The following CNTN6 variants were observed in gnomAD, a reference collection of about 807,000 sequenced individuals.
CNTN6 encodes contactin-6.
Under a neutral mutation model 122.8 loss-of-function variants are expected in CNTN6, and 137 were observed. That is an observed-to-expected ratio of 1.12 (90% CI 0.97 to 1.29). The LOEUF (loss-of-function observed/expected upper bound fraction) is 1.29, where lower values mean the gene tolerates loss of function less well. CNTN6 is among the 50% of genes most tolerant of loss of function. The pLI, the probability that CNTN6 is intolerant of heterozygous loss-of-function variation, is 0.00. For synonymous variants in CNTN6, 570 were observed against 426.0 expected (o/e 1.34, Z -4.16); for missense variants, 1,634 against 1,223.4 (o/e 1.34, Z -5.01).
Position 1,321,704 on chromosome 3 carries a change from A to C in CNTN6, c.816A>C (p.Lys272Asn), listed in dbSNP as rs1700874784. 2 of 1,611,728 alleles carry C rather than the reference A, an allele frequency of 1.2e-6. No individual in the cohort carries two copies. The highest frequency in any genetic ancestry group is 2.7e-5 in the African/African-American group (2 of 74,770). Residue 272 changes from lysine (K) to asparagine (N), a missense_variant, in exon 8 of 23, where the codon AAA becomes AAC. Transcript: ENST00000446702. ...RRLDGSPLPG[K>N]VKYSKSQAIL... The stretch of plus-strand genomic sequence containing the variant: ...TGGACGGGAGCCCGTTGCCAGGGAA[A>C]GTCAAGTACAGCAAATCCCAAGCTA...
At chr3:1,257,844 A>G (rs1037269058) in intron 4 of CNTN6, among the ~76,000 whole-genome samples, 1 of 152,196 alleles carries the variant, frequency 6.6e-6, no homozygotes, top group Non-Finnish European at 1.5e-5. Flanking sequence ...AAATGGCAGC[A>G]CTGCCTAGAT....
chr3:1,218,797 G>A (rs935582619), intron 2 of CNTN6, among the ~76,000 whole-genome samples: 5 of 152,120 alleles, frequency 3.3e-5, no homozygotes, highest in African/African-American at 9.7e-5. Context: ...AAATGAGTAC[G>A]GTGAGCATCC....
chr3:1,250,971 A>T (rs2094657228), intron 4 of CNTN6, among the ~76,000 whole-genome samples: 1 of 152,064 alleles, frequency 6.6e-6, no homozygotes, highest in South Asian at 2.1e-4. Flanking sequence ...AAATCATGCC[A>T]TTAGCCCGCA....
rs139626752 is a variant in CNTN6, at chr3:1,117,749, A to G, written c.-83+24629A>G. On this transcript the variant is annotated intron_variant, in intron 1 of 22. Coordinates refer to ENST00000446702, the MANE Select transcript of CNTN6 (RefSeq NM_001289080.2). Reference sequence around the variant, plus strand: ...CCAGAAATGCTGACTGGAAGTAGCAACAAGTGATTTAATGTTCCCAGAGGT... The same window carrying G: ...CCAGAAATGCTGACTGGAAGTAGCAGCAAGTGATTTAATGTTCCCAGAGGT... Among the ~76,000 whole-genome samples, 469 of 152,306 alleles carry G rather than the reference A, an allele frequency of 3.1e-3. 2 individuals carry two copies. Among genetic ancestry groups the G allele is most frequent in the African/African-American group, 0.011 (450 of 41,578 alleles).
At chr3:1,258,134 G>T (rs2094789436) in intron 4 of CNTN6, among the ~76,000 whole-genome samples, 1 of 152,106 alleles carries the variant, frequency 6.6e-6, no homozygotes, top group South Asian at 2.1e-4. Flanking sequence ...AGCCAATTCT[G>T]GTCCCAGAGC....
chr3:1,230,025 G>T (rs920828610), intron 4 of CNTN6, among the ~76,000 whole-genome samples: 1 of 152,026 alleles, frequency 6.6e-6, no homozygotes, highest in African/African-American at 2.4e-5. Context: ...GCGAGAGTGT[G>T]GAAACAGAGA....
chr3:1,139,848 C>T (rs960643146), intron 1 of CNTN6, among the ~76,000 whole-genome samples: 19 of 152,146 alleles, frequency 1.2e-4, no homozygotes, highest in African/African-American at 4.3e-4. Flanking sequence ...CACTCAGCAG[C>T]GTATGACTGG....
At chr3:1,321,375 G>A (rs1700819158) in intron 7 of CNTN6, among the ~76,000 whole-genome samples, 1 of 151,040 alleles carries the variant, frequency 6.6e-6, no homozygotes, top group South Asian at 2.1e-4. Context: ...CCACTAGTCT[G>A]TAAGCAACAT....
intron 1 of CNTN6, among the ~76,000 whole-genome samples, chr3:1,095,414 T>C (rs2090474952): frequency 6.6e-6 from 1 of 152,142 alleles, no homozygotes; most frequent in African/African-American, 2.4e-5. Context: ...GAGCTTGCAG[T>C]GAGCAGAGAT....
intron 2 of CNTN6, among the ~76,000 whole-genome samples, chr3:1,178,529 C>T (rs2093494803): frequency 6.6e-6 from 1 of 152,112 alleles, no homozygotes; most frequent in Non-Finnish European, 1.5e-5. Context: ...TTCAAATTCT[C>T]TATGTGATAG....
intron 2 of CNTN6, among the ~76,000 whole-genome samples, chr3:1,212,775 T>C (rs1293413647): frequency 1.3e-5 from 2 of 152,112 alleles, no homozygotes; most frequent in African/African-American, 2.4e-5. Flanking sequence ...TCTGATTGTA[T>C]AGACAAAACA....
At chr3:1,113,641 CTA>C (rs1378885801) in intron 1 of CNTN6, among the ~76,000 whole-genome samples, 1 of 152,108 alleles carries the variant, frequency 6.6e-6, no homozygotes, top group Non-Finnish European at 1.5e-5. Context: ...GGCAATGAGA[CTA>C]TTGAATATAT....
Position 1,295,714 on chromosome 3 carries a change from G to A in CNTN6, c.568G>A (p.Asp190Asn), listed in dbSNP as rs1404757353. ...NLYIAKVEPSDVGNYTCFITN... is the reference protein window; with the variant it reads ...NLYIAKVEPSNVGNYTCFITN... ...GTACATTGCCAAAGTGGAACCATCA[G>A]ATGTGGGCAACTACACTTGCTTTAT... Residue 190 changes from aspartate to asparagine, a missense_variant, in exon 6 of 23, where the codon GAT becomes AAT. Transcript: ENST00000446702. The A allele has an allele frequency of 1.2e-6, 2 of 1,613,974 alleles. No homozygotes were observed. Among genetic ancestry groups the A allele is most frequent in the Non-Finnish European group, 8.5e-7 (1 of 1,179,962 alleles).
intron 10 of CNTN6, among the ~76,000 whole-genome samples, chr3:1,329,286 T>C (rs1378020320): frequency 1.3e-5 from 2 of 151,618 alleles, no homozygotes; most frequent in African/African-American, 2.4e-5. Context: ...CATATGTATG[T>C]ATATGACATG....
chr3:1,189,714 G>A (rs990269329), intron 2 of CNTN6, among the ~76,000 whole-genome samples: 3 of 152,010 alleles, frequency 2.0e-5, no homozygotes, highest in Non-Finnish European at 4.4e-5. Context: ...AGAAGCCTTT[G>A]AGGCCACATC....
chr3:1,341,671 C>G lies in CNTN6; in HGVS notation c.1365-10653C>G, dbSNP rs145907443. Among the ~76,000 whole-genome samples, 651 of 152,234 alleles carry G rather than the reference C, an allele frequency of 4.3e-3. 1 individual carries two copies. The highest frequency in any genetic ancestry group is 0.01 in the Middle Eastern group (3 of 294). ...GTGTTGCGTCAGCCACTACAAAGATCACACTTAAATTTTTTGTGTATATTA... is the reference window on the plus strand; with the variant it reads ...GTGTTGCGTCAGCCACTACAAAGATGACACTTAAATTTTTTGTGTATATTA... On this transcript the variant is annotated intron_variant, in intron 11 of 22. Transcript: ENST00000446702.
chr3:1,200,277 G>A (rs1338021448), intron 2 of CNTN6, among the ~76,000 whole-genome samples: 1 of 152,148 alleles, frequency 6.6e-6, no homozygotes, highest in Non-Finnish European at 1.5e-5. Context: ...CAAGATATCT[G>A]CCCTCCTCAG....
chr3:1,384,521 AAG>A (rs1316395785), intron 19 of CNTN6, among the ~76,000 whole-genome samples: 1 of 146,338 alleles, frequency 6.8e-6, no homozygotes, highest in Admixed American at 6.7e-5. Context: ...TCACAAAGTA[AAG>A]AGACAAGAAC....
At chr3:1,239,045 A>T (rs1299792024) in intron 4 of CNTN6, among the ~76,000 whole-genome samples, 2 of 152,206 alleles carry the variant, frequency 1.3e-5, no homozygotes, top group African/African-American at 4.8e-5. Context: ...CCTAGAGGAG[A>T]TGGATAAATT....
Sources: gnomAD v4.1 joint callset for allele counts (sites outside exome capture counted in the v4.1 genomes callset) on GRCh38, gnomAD v4.1.1 for gene constraint, MANE v1.5 for transcripts, NCBI Gene and HGNC (gene_info 2026-07-23, HGNC 2026-07-21) for gene names.